Variants in YOD1 observed in about 807,000 individuals in gnomAD.
YOD1 encodes ubiquitin thioesterase OTU1.
YOD1 carries 17 observed loss-of-function variants against 23.7 expected under a neutral mutation model. The observed-to-expected ratio is 0.72, with a 90% CI of 0.49 to 1.07. The LOEUF (loss-of-function observed/expected upper bound fraction) is 1.07, where lower values mean the gene tolerates loss of function less well. Ranked by LOEUF, YOD1 falls within the 50% of genes least tolerant of loss-of-function variation. The probability of loss-of-function intolerance (pLI) is 0.00; values close to 1 mark genes in which losing one functional copy is unlikely to be tolerated. For missense variants in YOD1, 413 were observed against 447.2 expected, an observed-to-expected ratio of 0.92 and a Z score of 0.69; for synonymous variants, 191 against 169.6, an observed-to-expected ratio of 1.13 and a Z score of -0.98.
Position 207,048,938 on chromosome 1 carries a change from T to C in YOD1, c.*82A>G, listed in dbSNP as rs1437154744. 3 of 1,263,028 alleles carry C rather than the reference T, an allele frequency of 2.4e-6. No individual in the cohort carries two copies. The highest frequency in any genetic ancestry group is 1.5e-5 in the African/African-American group (1 of 66,686). The allele number at this position is 1,263,028 out of a possible 1,614,324, so 78.2% of individuals were successfully genotyped here. Reference sequence around the variant, plus strand: ...TTCAAGCATTGTATCCTTTGTTCTTTAGGGTTACCATAGCTTATTGGAAAA... The same window carrying C: ...TTCAAGCATTGTATCCTTTGTTCTTCAGGGTTACCATAGCTTATTGGAAAA... On this transcript the variant is annotated 3_prime_UTR_variant, in exon 2 of 2. Coordinates refer to ENST00000315927, the MANE Select transcript of YOD1 (RefSeq NM_018566.4).
intron 1 of YOD1, 117 bp downstream of exon 1, chr1:207,050,571 G>A: frequency 3.7e-6 from 5 of 1,360,100 alleles, no homozygotes; most frequent in South Asian, 2.6e-5. Flanking sequence ...CCTCGCCCCT[G>A]GCCTCAAAGC....
upstream of YOD1, among the ~76,000 whole-genome samples, chr1:207,051,915 G>A (rs1301744525): frequency 6.6e-6 from 1 of 152,212 alleles, no homozygotes. Context: ...ACATAGAGAG[G>A]GCAACTAGAG....
chr1:207,050,400 G>A (rs1038191252), intron 1 of YOD1, among the ~76,000 whole-genome samples: 12 of 152,112 alleles, frequency 7.9e-5, no homozygotes, highest in Admixed American at 2.6e-4. Flanking sequence ...TTTTGTGGAC[G>A]CCGAGGGAAA....
At chr1:207,051,232 A>G (rs1247760283), upstream of YOD1, among the ~76,000 whole-genome samples, 1 of 152,182 alleles carries the variant, frequency 6.6e-6, no homozygotes, top group Non-Finnish European at 1.5e-5. Context: ...CGTGGGTAGC[A>G]TATATGCTCA....
rs143485437 is a variant in YOD1, at chr1:207,047,970, A to G, written c.*1050T>C. 2.5e-3 allele frequency: 374 copies of G among 152,346 alleles called. No homozygotes were observed. Among genetic ancestry groups the G allele is most frequent in the African/African-American group, 8.5e-3 (354 of 41,580 alleles). The allele number at this position is 152,346 out of a possible 1,614,324, so 9.4% of individuals were successfully genotyped here. ...AGCAAACACTCTTTAGGTGTGCAAA[A>G]AATCTTACAAAAACCAACCCAAAGC... On this transcript the variant is annotated 3_prime_UTR_variant, in exon 2 of 2. Transcript: ENST00000315927.
At position 207,050,855 on chromosome 1, in the gene YOD1, A is replaced by G. The variant is rs749209354; in HGVS notation, c.176T>C (p.Val59Ala). 6.2e-7 allele frequency: 1 copy of G among 1,612,600 alleles called. No homozygotes were observed. The highest frequency in any genetic ancestry group is 1.1e-5 in the South Asian group (1 of 91,048). ...LRCKAKDGTH[V>A]LQGLSSRTRV... is the part of the protein sequence containing the mutation. ...GGTCCGGCTGGACAGCCCCTGCAAA[A>G]CATGGGTGCCGTCCTTGGCCTTGCA... The change falls in exon 1 of 2, where the codon GTT becomes GCT. Residue 59 changes from valine to alanine, a missense_variant. Coordinates refer to ENST00000315927, the MANE Select transcript of YOD1 (RefSeq NM_018566.4).
rs1682744498 is a variant in YOD1 at position 207,051,205 on chromosome 1, G to A, written c.-175C>T. On this transcript the variant is annotated 5_prime_UTR_variant, in exon 1 of 2. Transcript: ENST00000315927. The stretch of plus-strand genomic sequence containing the variant: ...CAACGGGTCTTGCTACCTATAGAGC[G>A]AGTGAGGTGCCCTCCGCGTGGGTAG... 1.6e-6 allele frequency: 2 copies of A among 1,267,732 alleles called. No homozygotes were observed. The highest frequency in any genetic ancestry group is 1.0e-6 in the Non-Finnish European group (1 of 967,970). 78.5% of individuals were successfully genotyped at this position (1,267,732 alleles called of 1,614,324 possible).
chr1:207,051,141 C>A lies in YOD1; in HGVS notation c.-111G>T. 1 of 1,422,088 alleles carries A rather than the reference C, an allele frequency of 7.0e-7. No homozygotes were observed. The highest frequency in any genetic ancestry group is 1.5e-5 in the South Asian group (1 of 65,252). The allele number at this position is 1,422,088 out of a possible 1,614,324, so 88.1% of individuals were successfully genotyped here. On this transcript the variant is annotated 5_prime_UTR_variant, in exon 1 of 2. Coordinates refer to ENST00000315927, the MANE Select transcript of YOD1 (RefSeq NM_018566.4). The stretch of plus-strand genomic sequence containing the variant: ...AAGTGACAACTGATTTTTCCCCCAC[C>A]CTCAGAACGAAGATGTAAACCTCCG...
Position 207,050,974 on chromosome 1 carries a change from G to C in YOD1, c.57C>G (p.Pro19=). Residue 19 remains proline, a synonymous_variant, in exon 1 of 2, where the codon CCC becomes CCG. Coordinates refer to ENST00000315927, the MANE Select transcript of YOD1 (RefSeq NM_018566.4). ...CGGCAGCCTGTTGGGAGACGCCGCC[G>C]GGGAAACCAGGCGCCGGGTGGACTC... is the stretch of plus-strand genomic sequence containing the variant. The part of the protein sequence containing the change: ...HFGVHPAPGF[P]GGVSQQAAGT... 4.5e-6 allele frequency: 7 copies of C among 1,541,322 alleles called. No homozygotes were observed. The highest frequency in any genetic ancestry group is 5.3e-6 in the Non-Finnish European group (6 of 1,140,416).
Position 207,044,541 on chromosome 1 carries a change from C to T in YOD1, c.*4479G>A, listed in dbSNP as rs1422472796. Reference sequence around the variant, plus strand: ...ACAACTTAATCAAATTATATCTTCACCATTCCTAAACTCCTATATGTTGGT... The same window carrying T: ...ACAACTTAATCAAATTATATCTTCATCATTCCTAAACTCCTATATGTTGGT... On this transcript the variant is annotated 3_prime_UTR_variant, in exon 2 of 2. Transcript: ENST00000315927. 1 of 152,484 alleles carries T rather than the reference C, an allele frequency of 6.6e-6. No homozygotes were observed. Among genetic ancestry groups the T allele is most frequent in the African/African-American group, 2.4e-5 (1 of 41,430 alleles). 9.4% of individuals were successfully genotyped at this position (152,484 alleles called of 1,614,324 possible).
Position 207,051,009 on chromosome 1 carries a change from G to C in YOD1, c.22C>G (p.Arg8Gly). 1 of 1,515,772 alleles carries C rather than the reference G, an allele frequency of 6.6e-7. No homozygotes were observed. The highest frequency in any genetic ancestry group is 8.8e-7 in the Non-Finnish European group (1 of 1,131,748). The allele number at this position is 1,515,772 out of a possible 1,614,324, so 93.9% of individuals were successfully genotyped here. The change falls in exon 1 of 2, where the codon CGC becomes GGC. Residue 8 changes from arginine to glycine, a missense_variant. By Grantham distance (125) the Arg-to-Gly change is moderately radical. Transcript: ENST00000315927. ...GGCGCCGGGTGGACTCCAAAATGGC[G>C]ACCTTTAGCGGGGCCAAACATCGCG... MFGPAKGRHFGVHPAPGF... is the reference protein window; with the variant it reads MFGPAKGGHFGVHPAPGF...
At position 207,048,833 on chromosome 1, in the gene YOD1, A is replaced by G; in HGVS notation, c.*187T>C. On this transcript the variant is annotated 3_prime_UTR_variant, in exon 2 of 2. Coordinates refer to ENST00000315927, the MANE Select transcript of YOD1 (RefSeq NM_018566.4). ...GTATGTACAGTTTACCACTGTAGAC[A>G]CACATCTGTAAACTTGCACACTAAT... 1.6e-6 allele frequency: 1 copy of G among 607,930 alleles called. No homozygotes were observed. The highest frequency in any genetic ancestry group is 2.9e-6 in the Non-Finnish European group (1 of 348,346). 37.7% of individuals were successfully genotyped at this position (607,930 alleles called of 1,614,324 possible). A position where few individuals can be genotyped will look rare whatever the true frequency, so the allele number is the denominator to read the frequency against.
rs542003927 is a variant in YOD1 at position 207,046,561 on chromosome 1, A to G, written c.*2459T>C. 2 of 152,230 alleles carry G rather than the reference A, an allele frequency of 1.3e-5. No homozygotes were observed. The highest frequency in any genetic ancestry group is 3.9e-4 in the East Asian group (2 of 5,192). 9.4% of individuals were successfully genotyped at this position (152,230 alleles called of 1,614,324 possible). A position where few individuals can be genotyped will look rare whatever the true frequency, so the allele number is the denominator to read the frequency against. On this transcript the variant is annotated 3_prime_UTR_variant, in exon 2 of 2. Transcript: ENST00000315927. ...CACTAAAGTACTAGTGCTAAATTTC[A>G]GCAGACTAAAGAGTCATTTTTGAAA...
At chr1:207,052,084 T>A, upstream of YOD1, 2 of 959,988 alleles carry the variant, frequency 2.1e-6, no homozygotes, top group Middle Eastern at 2.2e-4. Flanking sequence ...CCAGCCGGGA[T>A]TCAGACAGCA....
At position 207,045,349 on chromosome 1, in the gene YOD1, TCTA is replaced by T. The variant is rs1275932170; in HGVS notation, c.*3668_*3670del. 1 of 152,522 alleles carries T rather than the reference TCTA, an allele frequency of 6.6e-6. No individual in the cohort carries two copies. The highest frequency in any genetic ancestry group is 1.5e-5 in the Non-Finnish European group (1 of 67,932). The allele number at this position is 152,522 out of a possible 1,614,324, so 9.4% of individuals were successfully genotyped here. On this transcript the variant is annotated 3_prime_UTR_variant, in exon 2 of 2. Transcript: ENST00000315927. ...CTCCTAATAGTTACTGAAATTGAGT[TCTA>T]CTGTTATCAAAACACCAGAATGTTG...
chr1:207,049,562 C>G lies in YOD1; in HGVS notation c.505G>C (p.Val169Leu), dbSNP rs1402215524. Residue 169 changes from valine (V) to leucine (L), a missense_variant, in exon 2 of 2, where the codon GTC becomes CTC. Val to Leu is a conservative substitution (Grantham distance 32). Transcript: ENST00000315927. ...SCLFTSVYYV[V>L]EGGVLNPACA... Reference sequence around the variant, plus strand: ...GCTGGATTCAAGACTCCTCCTTCGACGACATAGTACACACTAGTAAAGAGG... The same window carrying G: ...GCTGGATTCAAGACTCCTCCTTCGAGGACATAGTACACACTAGTAAAGAGG... The G allele has an allele frequency of 6.2e-7, 1 of 1,614,142 alleles. No individual in the cohort carries two copies. The highest frequency in any genetic ancestry group is 8.5e-7 in the Non-Finnish European group (1 of 1,180,024).
rs1682727600 is a variant in YOD1 at position 207,050,851 on chromosome 1, C to T, written c.180G>A (p.Leu60=). 1.9e-6 allele frequency: 3 copies of T among 1,612,666 alleles called. No individual in the cohort carries two copies. The African/African-American group carries it at 4.0e-5, about 22-fold the overall frequency. Reference sequence around the variant, plus strand: ...CCCGGGTCCGGCTGGACAGCCCCTGCAAAACATGGGTGCCGTCCTTGGCCT... The same window carrying T: ...CCCGGGTCCGGCTGGACAGCCCCTGTAAAACATGGGTGCCGTCCTTGGCCT... ...RCKAKDGTHV[L]QGLSSRTRVR... is the part of the protein sequence containing the mutation. Residue 60 remains leucine (L), a synonymous_variant, in exon 1 of 2, where the codon TTG becomes TTA. Coordinates refer to ENST00000315927, the MANE Select transcript of YOD1 (RefSeq NM_018566.4).
chr1:207,045,988 A>G lies in YOD1; in HGVS notation c.*3032T>C, dbSNP rs1349625122. ...GAACCATTAGCAAAAGATGGAACACACTAATGTCTTCACTTGGCTAACACA... is the reference window on the plus strand; with the variant it reads ...GAACCATTAGCAAAAGATGGAACACGCTAATGTCTTCACTTGGCTAACACA... On this transcript the variant is annotated 3_prime_UTR_variant, in exon 2 of 2. Coordinates refer to ENST00000315927, the MANE Select transcript of YOD1 (RefSeq NM_018566.4). 6.6e-6 allele frequency: 1 copy of G among 152,060 alleles called. No homozygotes were observed. Among genetic ancestry groups the G allele is most frequent in the Non-Finnish European group, 1.5e-5 (1 of 67,922 alleles). 9.4% of individuals were successfully genotyped at this position (152,060 alleles called of 1,614,324 possible).
Position 207,049,032 on chromosome 1 carries a change from A to C in YOD1, c.1035T>G (p.Phe345Leu), listed in dbSNP as rs1682665731. The C allele has an allele frequency of 6.2e-7, 1 of 1,613,278 alleles. No individual in the cohort carries two copies. ...ATTCATGCATAGGTCACACTTCTCC[A>C]AAGTTGGTATGGCCTGTCTCCTTGG... is the stretch of plus-strand genomic sequence containing the variant. The part of the protein sequence containing the change: ...EHAKETGHTN[F>L]GEV Residue 345 changes from phenylalanine to leucine, a missense_variant, in exon 2 of 2, where the codon TTT (phenylalanine) becomes TTG (leucine). By Grantham distance (22) the Phe-to-Leu change is conservative. Transcript: ENST00000315927.
Sources: gnomAD v4.1 joint callset for allele counts (sites outside exome capture counted in the v4.1 genomes callset) on GRCh38, gnomAD v4.1.1 for gene constraint, MANE v1.5 for transcripts, NCBI Gene and HGNC (gene_info 2026-07-23, HGNC 2026-07-21) for gene names.